Variants in SEMA3D observed in about 807,000 individuals in gnomAD.
The protein encoded by SEMA3D is semaphorin-3D.
In SEMA3D, 84 loss-of-function variants were observed where a neutral mutation model predicts 100.1. The observed-to-expected ratio is 0.84, with a 90% CI of 0.70 to 1.01. The LOEUF is 1.01. Among genes scored for constraint, SEMA3D ranks in the 50% least tolerant of loss-of-function variants. The pLI is 0.00. For missense variants in SEMA3D, 875 were observed against 934.1 expected (o/e 0.94, Z 0.82); for synonymous variants, 312 against 320.7 (o/e 0.97, Z 0.29).
the SEMA3D span, among the ~76,000 whole-genome samples, chr7:85,196,144 T>C: frequency 1.3e-5 from 2 of 152,170 alleles, no homozygotes; most frequent in African/African-American, 4.8e-5. Flanking sequence ...TAGCAGCTTT[T>C]TCCCCCGCAA....
intron 2 of SEMA3D, among the ~76,000 whole-genome samples, chr7:85,147,092 C>CTTTTCTTTT (rs1165953881): frequency 9.3e-4 from 45 of 48,156 alleles, no homozygotes; most frequent in African/African-American, 2.4e-3. Flanking sequence ...TTTTTCTTTT[C>CTTTTCTTTT]TTTTTTTTTT....
At chr7:85,108,071 T>C (rs2116353900) in intron 3 of SEMA3D, among the ~76,000 whole-genome samples, 1 of 152,200 alleles carries the variant, frequency 6.6e-6, no homozygotes, top group East Asian at 1.9e-4. Flanking sequence ...AAGTTCAATT[T>C]CATATCCAAA....
At chr7:85,226,377 C>T in the SEMA3D span, among the ~76,000 whole-genome samples, 2 of 152,120 alleles carry the variant, frequency 1.3e-5, no homozygotes, top group African/African-American at 4.8e-5. Flanking sequence ...TTTTCAACTT[C>T]AATCCAGAGA....
At chr7:85,216,217 C>T in the SEMA3D span, among the ~76,000 whole-genome samples, 8 of 152,042 alleles carry the variant, frequency 5.3e-5, no homozygotes, top group Non-Finnish European at 1.2e-4. Flanking sequence ...TACAGGTTTA[C>T]TTCATTCATT....
At chr7:85,165,807 A>G (rs1790888056) in intron 1 of SEMA3D, among the ~76,000 whole-genome samples, 1 of 152,078 alleles carries the variant, frequency 6.6e-6, no homozygotes, top group South Asian at 2.1e-4. Flanking sequence ...GTCTCCTTTT[A>G]TGGAGAAAAT....
At chr7:85,197,472 C>T in the SEMA3D span, among the ~76,000 whole-genome samples, 1 of 151,956 alleles carries the variant, frequency 6.6e-6, no homozygotes, top group Admixed American at 6.6e-5. Flanking sequence ...CCACCACCCC[C>T]ACCACCCCTG....
intron 12 of SEMA3D, among the ~76,000 whole-genome samples, chr7:85,029,930 G>T (rs974318089): frequency 2.6e-5 from 4 of 151,910 alleles, no homozygotes; most frequent in African/African-American, 9.6e-5. Context: ...TTTAAAGTTG[G>T]TATCAAAAAA....
At chr7:85,129,360 A>G (rs2116428245) in intron 2 of SEMA3D, among the ~76,000 whole-genome samples, 1 of 152,256 alleles carries the variant, frequency 6.6e-6, no homozygotes, top group East Asian at 1.9e-4. Flanking sequence ...TGTGGTAGTC[A>G]TGTTTTTCAC....
chr7:85,083,612 A>G (rs1457678605), intron 4 of SEMA3D, among the ~76,000 whole-genome samples: 1 of 151,892 alleles, frequency 6.6e-6, no homozygotes, highest in African/African-American at 2.4e-5. Context: ...TGGGAGGCCG[A>G]GGCGGGCGGA....
intron 2 of SEMA3D, chr7:85,140,976 A>G: frequency 1.6e-6 from 1 of 623,496 alleles, no homozygotes; most frequent in Non-Finnish European, 2.0e-6. Flanking sequence ...ACATAAATGT[A>G]TTTTACAACA....
intron 1 of SEMA3D, among the ~76,000 whole-genome samples, chr7:85,181,187 C>T (rs542104297): frequency 2.6e-5 from 4 of 152,144 alleles, no homozygotes; most frequent in Non-Finnish European, 4.4e-5. Context: ...TGCTACCCCA[C>T]GCCAATCTTG....
At chr7:85,124,583 A>T (rs1194977270) in intron 2 of SEMA3D, among the ~76,000 whole-genome samples, 1 of 152,106 alleles carries the variant, frequency 6.6e-6, no homozygotes, top group African/African-American at 2.4e-5. Flanking sequence ...AGATAACTCA[A>T]AGGAGTATCA....
chr7:85,046,275 TC>T (rs903472595), intron 9 of SEMA3D, among the ~76,000 whole-genome samples: 1 of 151,964 alleles, frequency 6.6e-6, no homozygotes, highest in African/African-American at 2.4e-5. Context: ...TTCCTCCCTT[TC>T]TATTTACAAT....
intron 9 of SEMA3D, chr7:85,050,662 A>T (rs73377853): frequency 2.2e-6 from 1 of 446,246 alleles, no homozygotes; most frequent in Non-Finnish European, 4.0e-6. Flanking sequence ...TGCATTGTTC[A>T]AATCATTTAT....
At position 85,055,934 on chromosome 7, in the gene SEMA3D, G is replaced by A. The variant is rs572510244; in HGVS notation, c.719-75C>T. 357 of 796,164 alleles carry A rather than the reference G, an allele frequency of 4.5e-4. 6 individuals are homozygous for A. In the South Asian group the frequency reaches 5.5e-3, roughly 12 times the overall value. 49.3% of individuals were successfully genotyped at this position (796,164 alleles called of 1,614,324 possible). A position where few individuals can be genotyped will look rare whatever the true frequency, so the allele number is the denominator to read the frequency against. ...CATCATAGTTTGATGATATTTCCAC[G>A]TAAAAGCAATTAGCAGTAGAATTTT... On this transcript the variant is annotated intron_variant, in intron 8 of 18. Transcript: ENST00000284136.
At chr7:85,031,530 C>T (rs937464077) in intron 12 of SEMA3D, among the ~76,000 whole-genome samples, 1 of 151,832 alleles carries the variant, frequency 6.6e-6, no homozygotes, top group Non-Finnish European at 1.5e-5. Context: ...GCATAAAGTT[C>T]TGTTTGGTTG....
upstream of SEMA3D, among the ~76,000 whole-genome samples, chr7:85,190,819 C>CT (rs958616457): frequency 1.3e-5 from 2 of 152,022 alleles, no homozygotes; most frequent in African/African-American, 2.4e-5. Flanking sequence ...AAGTTTTAAA[C>CT]TCTTATAAAA....
chr7:85,096,319 T>C (rs1047293911), intron 4 of SEMA3D, among the ~76,000 whole-genome samples: 3 of 151,960 alleles, frequency 2.0e-5, no homozygotes, highest in Non-Finnish European at 2.9e-5. Flanking sequence ...AATGGAGCTA[T>C]AATTTTAGAT....
At chr7:85,225,174 A>T in the SEMA3D span, among the ~76,000 whole-genome samples, 109 of 141,718 alleles carry the variant, frequency 7.7e-4, no homozygotes, top group African/African-American at 2.6e-3. Context: ...TATATATATA[A>T]AATACATATA....
Sources: gnomAD v4.1 joint callset for allele counts (sites outside exome capture counted in the v4.1 genomes callset) on GRCh38, gnomAD v4.1.1 for gene constraint, MANE v1.5 for transcripts, NCBI Gene and HGNC (gene_info 2026-07-23, HGNC 2026-07-21) for gene names.